Variants in ANO3 observed in about 807,000 individuals in gnomAD.
ANO3 encodes anoctamin 3, also known as anoctamin-3.
In ANO3, 99 loss-of-function variants were observed where a neutral mutation model predicts 144.8. The observed-to-expected ratio is 0.68, with a 90% CI of 0.58 to 0.81. The LOEUF is 0.81. ANO3 is among the 30% of genes least tolerant of loss of function. The pLI is 0.00. For synonymous variants in ANO3, 414 were observed against 392.6 expected, an observed-to-expected ratio of 1.05 and a Z score of -0.64; for missense variants, 905 against 1,202.2, an observed-to-expected ratio of 0.75 and a Z score of 3.66.
At chr11:26,306,073 C>G (rs1186124690), upstream of ANO3, among the ~76,000 whole-genome samples, 1 of 152,024 alleles carries the variant, frequency 6.6e-6, no homozygotes, top group African/African-American at 2.4e-5. Context: ...ATTCTCCTGC[C>G]TCAGCCTCCA....
intron 1 of ANO3, among the ~76,000 whole-genome samples, chr11:26,262,719 A>AACACACACACAC (rs144643690): frequency 2.7e-5 from 4 of 149,108 alleles, no homozygotes; most frequent in East Asian, 2.0e-4. Context: ...CCTTATAGTA[A>AACACACACACAC]ACACACACAC....
At chr11:26,634,496 A>T (rs967613156) in intron 19 of ANO3, among the ~76,000 whole-genome samples, 181 bp downstream of exon 19, 1 of 152,192 alleles carries the variant, frequency 6.6e-6, no homozygotes, top group Non-Finnish European at 1.5e-5. Flanking sequence ...CATCAGTAAC[A>T]ATTTTGTTAA....
chr11:26,553,217 T>G, intron 12 of ANO3, 32 bp from the exon 13 acceptor site: 1 of 1,235,902 alleles, frequency 8.1e-7, no homozygotes, highest in Non-Finnish European at 1.1e-6. Context: ...ATGCTATGTT[T>G]TGTTTTGTTT....
At chr11:26,529,815 A>G (rs1302466979) in intron 7 of ANO3, among the ~76,000 whole-genome samples, 2 of 152,100 alleles carry the variant, frequency 1.3e-5, no homozygotes, top group African/African-American at 4.8e-5. Flanking sequence ...TCTTTGTAAA[A>G]TAAATCTGAT....
At chr11:26,225,277 C>G (rs1380808503) in intron 1 of ANO3, among the ~76,000 whole-genome samples, 1 of 151,776 alleles carries the variant, frequency 6.6e-6, no homozygotes, top group East Asian at 1.9e-4. Context: ...GATTTGTGAG[C>G]CCCTTTTTAA....
At chr11:26,527,838 C>G (rs1246645965) in intron 7 of ANO3, among the ~76,000 whole-genome samples, 2 of 151,284 alleles carry the variant, frequency 1.3e-5, no homozygotes, top group African/African-American at 2.4e-5. Flanking sequence ...GGAAGCAGAA[C>G]AGAGAGTAGC....
chr11:26,521,744 TAA>T (rs1862085421), intron 6 of ANO3, among the ~76,000 whole-genome samples: 1 of 152,124 alleles, frequency 6.6e-6, no homozygotes, highest in African/African-American at 2.4e-5. Flanking sequence ...CTCTCACACA[TAA>T]GAGAGTTCAG....
At chr11:26,560,539 C>T (rs1336138180) in intron 14 of ANO3, 3 of 152,840 alleles carry the variant, frequency 2.0e-5, no homozygotes, top group African/African-American at 7.2e-5. Context: ...GAATACAGGT[C>T]TGTCATTTCT....
chr11:26,470,023 A>G (rs55701824), intron 4 of ANO3, among the ~76,000 whole-genome samples: 4,756 of 151,942 alleles, frequency 0.031, 103 homozygotes, highest in Non-Finnish European at 0.05. Flanking sequence ...CTGGAAAACA[A>G]TTTCACAAGG....
At chr11:26,327,750 G>A (rs1564966577), upstream of ANO3, among the ~76,000 whole-genome samples, 1 of 152,120 alleles carries the variant, frequency 6.6e-6, no homozygotes, top group African/African-American at 2.4e-5. Context: ...CTTAATGTAC[G>A]ATGAGTTTGA....
intron 23 of ANO3, among the ~76,000 whole-genome samples, chr11:26,644,875 G>A (rs562881102): frequency 6.6e-6 from 1 of 150,832 alleles, no homozygotes; most frequent in Non-Finnish European, 1.5e-5. Context: ...CTATAACTGT[G>A]TGTATAAATA....
intron 1 of ANO3, among the ~76,000 whole-genome samples, chr11:26,258,683 A>G (rs1405456838): frequency 6.6e-6 from 1 of 152,100 alleles, no homozygotes; most frequent in Non-Finnish European, 1.5e-5. Context: ...GTTCATTCCT[A>G]TCAAATTTGA....
chr11:26,245,850 C>T (rs1852778528), intron 1 of ANO3, among the ~76,000 whole-genome samples: 1 of 152,124 alleles, frequency 6.6e-6, no homozygotes, highest in Non-Finnish European at 1.5e-5. Flanking sequence ...GAAGAACATA[C>T]GATGGCCTGT....
intron 3 of ANO3, among the ~76,000 whole-genome samples, chr11:26,455,386 CA>C (rs1242022106): frequency 1.3e-5 from 2 of 151,440 alleles, no homozygotes; most frequent in African/African-American, 4.9e-5. Context: ...TCTCAGGATA[CA>C]AAATCAATGT....
At position 26,537,461 on chromosome 11, in the gene ANO3, G is replaced by C. The variant is rs1322505934; in HGVS notation, c.1032G>C (p.Glu344Asp). The C allele has an allele frequency of 5.6e-6, 9 of 1,612,672 alleles. No homozygotes were observed. The highest frequency in any genetic ancestry group is 6.8e-6 in the Non-Finnish European group (8 of 1,178,680). Residue 344 changes from glutamate (E) to aspartate (D), a missense_variant and splice_region_variant, in exon 10 of 27, where the codon GAG becomes GAC. Physicochemically the swap from Glu to Asp is conservative, Grantham distance 45. This residue lies in a region of ANO3 where 597 missense variants were observed against 865.1 expected (regional missense o/e 0.69). Coordinates refer to ENST00000256737, the MANE Select transcript of ANO3 (RefSeq NM_031418.4). ...ACATAGCAGCGTTTCCACCACATGA[G>C]GTAATTTTGAAATACAGTTTCCGCT... is the stretch of plus-strand genomic sequence containing the variant. ...GSYIAAFPPH[E>D]GAYKSSQPIK...
At chr11:26,258,278 C>T (rs1356809909) in intron 1 of ANO3, among the ~76,000 whole-genome samples, 1 of 152,046 alleles carries the variant, frequency 6.6e-6, no homozygotes, top group Admixed American at 6.6e-5. Flanking sequence ...AAAAAGACAC[C>T]TCAATTAACA....
chr11:26,277,012 C>CA (rs1194228103), intron 1 of ANO3, among the ~76,000 whole-genome samples: 3 of 152,108 alleles, frequency 2.0e-5, no homozygotes, highest in African/African-American at 7.2e-5. Flanking sequence ...ACGCGGTAAG[C>CA]TTGCCCTCTA....
intron 14 of ANO3, among the ~76,000 whole-genome samples, chr11:26,581,307 C>CTTTT (rs5790592): frequency 7.1e-6 from 1 of 141,000 alleles, no homozygotes; most frequent in Non-Finnish European, 1.5e-5. Context: ...GTGCAATTCC[C>CTTTT]TTTTTTTTTT....
chr11:26,477,251 C>T (rs1860019088), intron 4 of ANO3, among the ~76,000 whole-genome samples: 1 of 151,984 alleles, frequency 6.6e-6, no homozygotes, highest in Non-Finnish European at 1.5e-5. Flanking sequence ...GAAGAATGGT[C>T]CTCAGATTTT....
Sources: allele counts gnomAD v4.1 joint callset (sites outside exome capture counted in the v4.1 genomes callset), GRCh38; gene constraint gnomAD v4.1.1; regional missense constraint gnomAD v4.1.1; transcripts MANE v1.5; gene names NCBI Gene and HGNC (gene_info 2026-07-23, HGNC 2026-07-21).